The following GRID1 variants were observed in gnomAD, a reference collection of about 807,000 sequenced individuals.
GRID1 encodes glutamate receptor ionotropic, delta-1.
Under a neutral mutation model 98.0 loss-of-function variants are expected in GRID1, and 28 were observed. The observed-to-expected ratio is 0.29, with a 90% CI of 0.21 to 0.39. The LOEUF (loss-of-function observed/expected upper bound fraction) is 0.39, where lower values mean the gene tolerates loss of function less well. Among genes scored for constraint, GRID1 ranks in the 10% least tolerant of loss-of-function variants. GRID1 has a pLI of 1.00. For synonymous variants in GRID1, 553 were observed against 538.5 expected (o/e 1.03, Z -0.37); for missense variants, 1,111 against 1,340.5 (o/e 0.83, Z 2.67).
At chr10:85,791,759 T>C (rs1842482856) in intron 8 of GRID1, among the ~76,000 whole-genome samples, 3 of 152,136 alleles carry the variant, frequency 2.0e-5, no homozygotes, top group African/African-American at 7.2e-5. Context: ...ACAGAGAACA[T>C]GGTCTCTTGA....
At chr10:86,243,337 G>C (rs2132043467) in intron 2 of GRID1, among the ~76,000 whole-genome samples, 1 of 152,258 alleles carries the variant, frequency 6.6e-6, no homozygotes, top group Non-Finnish European at 1.5e-5. Context: ...GGAGTCTTTA[G>C]GGGCTGAGTT....
intron 4 of GRID1, among the ~76,000 whole-genome samples, chr10:86,101,495 C>T (rs552458223): frequency 4.5e-4 from 68 of 152,264 alleles, no homozygotes; most frequent in Non-Finnish European, 8.8e-4. Context: ...TTTTGCCAAT[C>T]AGGAACATCA....
chr10:85,676,368 G>A (rs1461125253), intron 12 of GRID1, among the ~76,000 whole-genome samples: 1 of 152,150 alleles, frequency 6.6e-6, no homozygotes, highest in African/African-American at 2.4e-5. Flanking sequence ...CAAATCTGTG[G>A]GGCCACTTGG....
At chr10:85,963,518 CA>C (rs1044998410) in intron 4 of GRID1, among the ~76,000 whole-genome samples, 1 of 152,132 alleles carries the variant, frequency 6.6e-6, no homozygotes, top group African/African-American at 2.4e-5. Flanking sequence ...CATAGCTTTT[CA>C]AAAAAACTCT....
intron 4 of GRID1, among the ~76,000 whole-genome samples, chr10:86,135,549 G>A (rs1345887448): frequency 2.0e-5 from 3 of 152,170 alleles, no homozygotes; most frequent in African/African-American, 7.2e-5. Flanking sequence ...GTGCTGAGGA[G>A]GCCTCAGAGG....
At chr10:85,720,999 A>G (rs1204611260) in intron 12 of GRID1, among the ~76,000 whole-genome samples, 19 of 152,222 alleles carry the variant, frequency 1.2e-4, no homozygotes, top group Admixed American at 1.2e-3. Context: ...AAGAACTTTC[A>G]AAACTCAAAA....
intron 2 of GRID1, among the ~76,000 whole-genome samples, chr10:86,342,007 G>C (rs1272932105): frequency 1.3e-5 from 2 of 152,158 alleles, no homozygotes; most frequent in African/African-American, 4.8e-5. Flanking sequence ...CTGAGCTTGA[G>C]GTTCTCATCT....
intron 12 of GRID1, among the ~76,000 whole-genome samples, chr10:85,667,798 C>T (rs570729553): frequency 6.6e-6 from 1 of 152,310 alleles, no homozygotes; most frequent in Admixed American, 6.5e-5. Flanking sequence ...TATATCATTG[C>T]TTTAAACCCT....
At chr10:86,232,028 G>A (rs894397329) in intron 2 of GRID1, among the ~76,000 whole-genome samples, 19 of 152,118 alleles carry the variant, frequency 1.2e-4, no homozygotes, top group African/African-American at 4.1e-4. Flanking sequence ...AGAGACTGGG[G>A]TACCCTCTTC....
intron 2 of GRID1, among the ~76,000 whole-genome samples, chr10:86,337,817 C>T (rs2132107523): frequency 6.8e-6 from 1 of 147,084 alleles, no homozygotes; most frequent in South Asian, 2.2e-4. Context: ...AAGTGATTCT[C>T]CTGCCTCAGC....
intron 5 of GRID1, among the ~76,000 whole-genome samples, chr10:85,887,812 T>C (rs1212494787): frequency 6.6e-6 from 1 of 152,208 alleles, no homozygotes; most frequent in Non-Finnish European, 1.5e-5. Flanking sequence ...ACAATGTGTC[T>C]AGCCCGAAGT....
At chr10:86,200,261 T>C (rs1485615814) in intron 3 of GRID1, among the ~76,000 whole-genome samples, 2 of 152,148 alleles carry the variant, frequency 1.3e-5, no homozygotes, top group Non-Finnish European at 2.9e-5. Context: ...AAAACTACTC[T>C]TATTTAAGCA....
At position 86,078,466 on chromosome 10, in the gene GRID1, T is replaced by C. The variant is rs1327641762; in HGVS notation, c.726+60353A>G. Among the ~76,000 whole-genome samples, 4 of 152,184 alleles carry C rather than the reference T, an allele frequency of 2.6e-5. No individual in the cohort carries two copies. In the South Asian group the frequency reaches 6.2e-4, roughly 24 times the overall value. ...GGGTGCTCCGCGGCCTGCAGCAGCT[T>C]CTCCACAAGCCATCCCCCTGCCCTG... On this transcript the variant is annotated intron_variant, in intron 4 of 15. Coordinates refer to ENST00000327946, the MANE Select transcript of GRID1 (RefSeq NM_017551.3).
Position 85,602,551 on chromosome 10 carries a change from G to A in GRID1, c.2752C>T (p.Arg918Trp), listed in dbSNP as rs747877687. 3.1e-6 allele frequency: 5 copies of A among 1,614,130 alleles called. No homozygotes were observed. The highest frequency in any genetic ancestry group is 4.2e-6 in the Non-Finnish European group (5 of 1,180,008). Residue 918 changes from arginine (R) to tryptophan (W), a missense_variant, in exon 16 of 16, where the codon CGG becomes TGG. This residue lies in a region of GRID1 where 762 missense variants were observed against 869.1 expected (regional missense o/e 0.88). Transcript: ENST00000327946. Reference protein sequence around the residue: ...LAPTQTLEPTREYQNTQLSVS... With the variant: ...LAPTQTLEPTWEYQNTQLSVS... ...GAGAGCTGGGTGTTCTGGTACTCCC[G>A]TGTCGGCTCCAAGGTCTGGGTGGGA...
At chr10:85,647,067 ACGTGTGCGATGGATCG>A in intron 13 of GRID1, 119 bp downstream of exon 13, 1 of 709,684 alleles carries the variant, frequency 1.4e-6, no homozygotes. Context: ...CACCTAAAGA[ACGTGTGCGATGGATCG>A]CCTTGCAGGT....
At position 85,600,051 on chromosome 10, in the gene GRID1, C is replaced by T. The variant is rs1325311129; in HGVS notation, c.*2222G>A. On this transcript the variant is annotated 3_prime_UTR_variant, in exon 16 of 16. Coordinates refer to ENST00000327946, the MANE Select transcript of GRID1 (RefSeq NM_017551.3). Reference sequence around the variant, plus strand: ...GACATCCAAGCTATACCCCAGAAGACAGGCCATCTCAGGGGGCAATGAGGA... The same window carrying T: ...GACATCCAAGCTATACCCCAGAAGATAGGCCATCTCAGGGGGCAATGAGGA... The T allele has an allele frequency of 6.6e-6, 1 of 151,888 alleles. No individual in the cohort carries two copies. Among genetic ancestry groups the T allele is most frequent in the Admixed American group, 6.6e-5 (1 of 15,206 alleles). The allele number at this position is 151,888 out of a possible 1,614,324, so 9.4% of individuals were successfully genotyped here.
At chr10:86,149,014 C>T (rs1473798358) in intron 3 of GRID1, among the ~76,000 whole-genome samples, 1 of 152,216 alleles carries the variant, frequency 6.6e-6, no homozygotes, top group African/African-American at 2.4e-5. Context: ...AATAGATGTT[C>T]AGCGGCTGTC....
chr10:85,770,398 G>A (rs1259164301), intron 8 of GRID1, among the ~76,000 whole-genome samples: 2 of 152,128 alleles, frequency 1.3e-5, no homozygotes, highest in Non-Finnish European at 2.9e-5. Flanking sequence ...AGAAAAACTG[G>A]AAACTAAAAA....
chr10:86,152,608 G>T (rs1589389443), intron 3 of GRID1, among the ~76,000 whole-genome samples: 1 of 152,376 alleles, frequency 6.6e-6, no homozygotes, highest in East Asian at 1.9e-4. Context: ...CACAGGGGAG[G>T]TGGACTCATG....
Sources: gnomAD v4.1 joint callset for allele counts (sites outside exome capture counted in the v4.1 genomes callset) on GRCh38, gnomAD v4.1.1 for gene constraint, gnomAD v4.1.1 regional missense constraint, MANE v1.5 for transcripts, NCBI Gene and HGNC (gene_info 2026-07-23, HGNC 2026-07-21) for gene names.